CMYA5: variants seen among roughly 807,000 people sequenced by gnomAD.
CMYA5 encodes cardiomyopathy-associated protein 5.
A neutral mutation model predicts 318.9 loss-of-function variants in CMYA5; 246 were observed. The ratio of observed to expected loss-of-function variants is 0.77; its 90% CI spans 0.70 to 0.86. The LOEUF (loss-of-function observed/expected upper bound fraction) is 0.86, where lower values mean the gene tolerates loss of function less well. Among genes scored for constraint, CMYA5 ranks in the 40% least tolerant of loss-of-function variants. The pLI is 0.00. For synonymous variants in CMYA5, 1,641 were observed against 1,729.5 expected (o/e 0.95, Z 1.27); for missense variants, 4,589 against 4,678.2 (o/e 0.98, Z 0.56).
intron 9 of CMYA5, among the ~76,000 whole-genome samples, chr5:79,778,387 A>G (rs570530297): frequency 1.3e-5 from 2 of 152,342 alleles, no homozygotes; most frequent in African/African-American, 4.8e-5. Flanking sequence ...CTAGTAGTGT[A>G]TAAGAGTGCT....
rs1039384427 is a variant in CMYA5 at position 79,736,012 on chromosome 5, A to G, written c.7247A>G (p.Glu2416Gly). The stretch of plus-strand genomic sequence containing the variant: ...GAGTCAATTATTTTGCCAGTAGAAG[A>G]ATCAAAAGGCAGTTTAATTGATTTC... ...KPESIILPVEESKGSLIDFSE... is the reference protein window; with the variant it reads ...KPESIILPVEGSKGSLIDFSE... Residue 2416 changes from glutamate to glycine, a missense_variant, in exon 2 of 13, where the codon GAA (glutamate) becomes GGA (glycine). Coordinates refer to ENST00000446378, the MANE Select transcript of CMYA5 (RefSeq NM_153610.5). The G allele has an allele frequency of 6.2e-7, 1 of 1,613,082 alleles. No individual in the cohort carries two copies. The highest frequency in any genetic ancestry group is 1.3e-5 in the African/African-American group (1 of 74,922).
At chr5:79,790,483 C>A (rs567205489) in intron 10 of CMYA5, among the ~76,000 whole-genome samples, 30 of 152,272 alleles carry the variant, frequency 2.0e-4, no homozygotes, top group Admixed American at 1.6e-3. Flanking sequence ...GTTGGCCAGG[C>A]TGGTCTCGAG....
chr5:79,736,677 G>C lies in CMYA5; in HGVS notation c.7912G>C (p.Val2638Leu). The C allele has an allele frequency of 6.2e-7, 1 of 1,613,618 alleles. No homozygotes were observed. Among genetic ancestry groups the C allele is most frequent in the Admixed American group, 1.7e-5 (1 of 59,938 alleles). The change falls in exon 2 of 13, where the codon GTG becomes CTG. Residue 2638 changes from valine (V) to leucine (L), a missense_variant. Val to Leu is a conservative substitution (Grantham distance 32). Around this residue, in one of 3 missense-constraint regions of CMYA5, gnomAD observed 2,431 missense variants for 2,495.1 expected, o/e 0.97. Transcript: ENST00000446378. The part of the protein sequence containing the change: ...LVEKTKTFLP[V>L]ALSCRDEIEN... ...GGAGAAAACCAAGACTTTCCTGCCG[G>C]TGGCTCTTTCTTGTCGTGATGAAAT...
intron 2 of CMYA5, among the ~76,000 whole-genome samples, chr5:79,739,636 C>T (rs758196606): frequency 2.0e-5 from 3 of 151,870 alleles, no homozygotes; most frequent in African/African-American, 4.8e-5. Context: ...TTAGAATCAA[C>T]CAACCGCAGA....
In CMYA5 at chr5:79,738,012, T is replaced by C; in HGVS notation, c.9247T>C (p.Ser3083Pro). The C allele has an allele frequency of 2.5e-6, 4 of 1,613,540 alleles. No homozygotes were observed. The South Asian group carries it at 4.4e-5, about 18-fold the overall frequency. The change falls in exon 2 of 13, where the codon TCA becomes CCA. Residue 3083 changes from serine (S) to proline (P), a missense_variant. Coordinates refer to ENST00000446378, the MANE Select transcript of CMYA5 (RefSeq NM_153610.5). ...PQKLNVEEKL[S>P]KEVTEETISF... ...GAAATTAAATGTTGAAGAGAAACTCTCAAAGGAAGTTACAGAAGAAACTAT... is the reference window on the plus strand; with the variant it reads ...GAAATTAAATGTTGAAGAGAAACTCCCAAAGGAAGTTACAGAAGAAACTAT...
At chr5:79,767,979 G>A (rs59018386) in intron 9 of CMYA5, among the ~76,000 whole-genome samples, 2,550 of 152,262 alleles carry the variant, frequency 0.017, 76 homozygotes, top group African/African-American at 0.059. Context: ...GAATCTGGAT[G>A]CTCCTGTATT....
At position 79,732,996 on chromosome 5, in the gene CMYA5, T is replaced by G. The variant is rs188114860; in HGVS notation, c.4231T>G (p.Ser1411Ala). ...ACTGGTAACATCTGCAGATGAACAT[T>G]CAGTTCTTGCAGAAGAAGACAAGGT... is the stretch of plus-strand genomic sequence containing the variant. ...PPLVTSADEH[S>A]VLAEEDKVAI... The change falls in exon 2 of 13, where the codon TCA becomes GCA. Residue 1411 changes from serine to alanine, a missense_variant. By Grantham distance (99) the Ser-to-Ala change is moderately conservative (BLOSUM62 1). Coordinates refer to ENST00000446378, the MANE Select transcript of CMYA5 (RefSeq NM_153610.5). 5,270 of 1,613,368 alleles carry G rather than the reference T, an allele frequency of 3.3e-3. 62 individuals are homozygous for G. The highest frequency in any genetic ancestry group is 2.4e-3 in the Non-Finnish European group (2,863 of 1,179,630).
intron 9 of CMYA5, chr5:79,777,864 G>C (rs1273274596): frequency 6.6e-6 from 1 of 152,118 alleles, no homozygotes; most frequent in Non-Finnish European, 1.5e-5. Flanking sequence ...GCTCACGCCT[G>C]TAATTCCAGC....
intron 1 of CMYA5, among the ~76,000 whole-genome samples, chr5:79,716,792 T>G (rs1057412364): frequency 6.6e-6 from 1 of 152,226 alleles, no homozygotes; most frequent in African/African-American, 2.4e-5. Context: ...TGTTTTACGG[T>G]GGAGCTACTT....
Position 79,714,431 on chromosome 5 carries a change from C to CTTT in CMYA5, c.150-14466_150-14464dup, listed in dbSNP as rs71615553. On this transcript the variant is annotated intron_variant, in intron 1 of 12. Coordinates refer to ENST00000446378, the MANE Select transcript of CMYA5 (RefSeq NM_153610.5). ...CACATCTGATATCTTTTTTCTTTTT[C>CTTT]TTTTTTTTTTTTTTTTTTTTGAGAT... Among the ~76,000 whole-genome samples the CTTT allele has an allele frequency of 5.0e-3, 506 of 100,716 alleles. 12 individuals carry two copies. Among genetic ancestry groups the CTTT allele is most frequent in the African/African-American group, 0.02 (471 of 23,314 alleles). 66.1% of individuals were successfully genotyped at this position (100,716 alleles called of 152,430 possible). A position where few individuals can be genotyped will look rare whatever the true frequency, so the allele number is the denominator to read the frequency against.
chr5:79,736,022 C>T lies in CMYA5; in HGVS notation c.7257C>T (p.Gly2419=). 6.2e-7 allele frequency: 1 copy of T among 1,612,878 alleles called. No individual in the cohort carries two copies. Among genetic ancestry groups the T allele is most frequent in the Non-Finnish European group, 8.5e-7 (1 of 1,179,564 alleles). ...TTTTGCCAGTAGAAGAATCAAAAGG[C>T]AGTTTAATTGATTTCAGTGAAGACA... The part of the protein sequence containing the change: ...SIILPVEESK[G]SLIDFSEDRL... Residue 2419 remains glycine (G), a synonymous_variant, in exon 2 of 13, where the codon GGC becomes GGT. Coordinates refer to ENST00000446378, the MANE Select transcript of CMYA5 (RefSeq NM_153610.5).
In CMYA5 at chr5:79,729,489, C is replaced by T. The variant is rs770198731; in HGVS notation, c.724C>T (p.Leu242=). Residue 242 remains leucine, a synonymous_variant, in exon 2 of 13, where the codon CTA becomes TTA. Transcript: ENST00000446378. The stretch of plus-strand genomic sequence containing the variant: ...TTCGGTTAAAGAAGAATTAATTCCT[C>T]TACAATTTTATGGAACATTGCCAAA... The part of the protein sequence containing the change: ...FNSVKEELIP[L]QFYGTLPKGY... 1.9e-6 allele frequency: 3 copies of T among 1,609,908 alleles called. No homozygotes were observed. In the Admixed American group the frequency reaches 5.0e-5, roughly 27 times the overall value.
At position 79,800,079 on chromosome 5, in the gene CMYA5, C is replaced by G. The variant is rs570282394; in HGVS notation, c.*463C>G. On this transcript the variant is annotated 3_prime_UTR_variant, in exon 13 of 13. Coordinates refer to ENST00000446378, the MANE Select transcript of CMYA5 (RefSeq NM_153610.5). ...ATCCTAATCATTAAAGGAATTGTTT[C>G]AGCTGATTTAAATTTATAATGAACT... is the stretch of plus-strand genomic sequence containing the variant. The G allele has an allele frequency of 6.5e-6, 1 of 154,826 alleles. No individual in the cohort carries two copies. The highest frequency in any genetic ancestry group is 2.4e-5 in the African/African-American group (1 of 41,538). The allele number at this position is 154,826 out of a possible 1,614,324, so 9.6% of individuals were successfully genotyped here. A position where few individuals can be genotyped will look rare whatever the true frequency, so the allele number is the denominator to read the frequency against.
At position 79,732,330 on chromosome 5, in the gene CMYA5, G is replaced by A. The variant is rs978934795; in HGVS notation, c.3565G>A (p.Ala1189Thr). The change falls in exon 2 of 13, where the codon GCA becomes ACA. Residue 1189 changes from alanine to threonine, a missense_variant. Transcript: ENST00000446378. ...CAAGAAAGAACAGGAACCCACAGCA[G>A]CACTCACTCTAAAAGCTGCAGATGA... Reference protein sequence around the residue: ...AIKKEQEPTAALTLKAADEQM... With the variant: ...AIKKEQEPTATLTLKAADEQM... 2 of 1,613,758 alleles carry A rather than the reference G, an allele frequency of 1.2e-6. No individual in the cohort carries two copies. Among genetic ancestry groups the A allele is most frequent in the African/African-American group, 1.3e-5 (1 of 75,036 alleles).
In CMYA5 at chr5:79,756,011, A is replaced by C. The variant is rs533337251; in HGVS notation, c.11111-2742A>C. ...ATAGGATAAAAGGGGGAGCATTTTC[A>C]CTGTTCATGCCTCAAGTAATTCTCA... is the stretch of plus-strand genomic sequence containing the variant. On this transcript the variant is annotated intron_variant, in intron 6 of 12. Coordinates refer to ENST00000446378, the MANE Select transcript of CMYA5 (RefSeq NM_153610.5). 2.0e-5 allele frequency among the ~76,000 whole-genome samples: 3 copies of C among 152,342 alleles called. No individual in the cohort carries two copies. In the East Asian group the frequency reaches 5.8e-4, roughly 29 times the overall value.
chr5:79,790,726 C>A (rs1829161620), intron 10 of CMYA5, among the ~76,000 whole-genome samples: 1 of 152,220 alleles, frequency 6.6e-6, no homozygotes. Flanking sequence ...CACTGCACAG[C>A]AGATGAGCAC....
intron 1 of CMYA5, among the ~76,000 whole-genome samples, chr5:79,701,204 C>T (rs942096176): frequency 6.6e-5 from 10 of 151,774 alleles, no homozygotes; most frequent in Admixed American, 3.3e-4. Context: ...AGTGGGATTG[C>T]GCCACTGCAC....
At chr5:79,751,026 C>T (rs528541567) in intron 5 of CMYA5, among the ~76,000 whole-genome samples, 1 of 152,152 alleles carries the variant, frequency 6.6e-6, no homozygotes, top group Non-Finnish European at 1.5e-5. Flanking sequence ...TCCATCCCCA[C>T]AGTCTTAATT....
intron 1 of CMYA5, among the ~76,000 whole-genome samples, chr5:79,694,090 G>T (rs1405763016): frequency 2.6e-5 from 4 of 152,156 alleles, no homozygotes; most frequent in Non-Finnish European, 5.9e-5. Flanking sequence ...GTAAGGTAAT[G>T]GGGCGAGTGG....
Sources: allele counts gnomAD v4.1 joint callset (sites outside exome capture counted in the v4.1 genomes callset), GRCh38; gene constraint gnomAD v4.1.1; regional missense constraint gnomAD v4.1.1; transcripts MANE v1.5; gene names NCBI Gene and HGNC (gene_info 2026-07-23, HGNC 2026-07-21).